SORCS1: variants seen among roughly 807,000 people sequenced by gnomAD.
The protein encoded by SORCS1 is VPS10 domain-containing receptor SorCS1.
Under a neutral mutation model 146.1 loss-of-function variants are expected in SORCS1, and 60 were observed. That is an observed-to-expected ratio of 0.41 (90% CI 0.33 to 0.51). The LOEUF (loss-of-function observed/expected upper bound fraction) is 0.51, where lower values mean the gene tolerates loss of function less well. SORCS1 is among the 20% of genes least tolerant of loss of function. SORCS1 has a pLI of 0.21. For synonymous variants in SORCS1, 637 were observed against 584.0 expected, an observed-to-expected ratio of 1.09 and a Z score of -1.31; for missense variants, 1,352 against 1,487.6, an observed-to-expected ratio of 0.91 and a Z score of 1.50.
intron 1 of SORCS1, among the ~76,000 whole-genome samples, chr10:107,150,409 C>T (rs1487796252): frequency 6.6e-6 from 1 of 152,238 alleles, no homozygotes; most frequent in East Asian, 1.9e-4. Flanking sequence ...TTCCACTCCA[C>T]ACCCATCTGA....
At chr10:107,022,578 C>A (rs1958197372) in intron 1 of SORCS1, among the ~76,000 whole-genome samples, 1 of 152,046 alleles carries the variant, frequency 6.6e-6, no homozygotes, top group Non-Finnish European at 1.5e-5. Context: ...GCATGTCTAA[C>A]ACCTCCACTG....
At chr10:107,031,812 A>G (rs150862045) in intron 1 of SORCS1, among the ~76,000 whole-genome samples, 41 of 152,192 alleles carry the variant, frequency 2.7e-4, no homozygotes, top group African/African-American at 9.6e-4. Flanking sequence ...CTAACACTTC[A>G]AACCATATTT....
At chr10:107,155,302 T>C (rs1233941911) in intron 1 of SORCS1, among the ~76,000 whole-genome samples, 6 of 152,212 alleles carry the variant, frequency 3.9e-5, no homozygotes, top group Non-Finnish European at 5.9e-5. Flanking sequence ...GTCCATGGAC[T>C]CTTAAACTCA....
intron 1 of SORCS1, among the ~76,000 whole-genome samples, chr10:107,023,675 G>A (rs1958254281): frequency 6.6e-6 from 1 of 152,040 alleles, no homozygotes; most frequent in African/African-American, 2.4e-5. Context: ...TAAAATGGGA[G>A]GAAAAGATGT....
At chr10:106,589,093 T>G (rs748185848) in intron 24 of SORCS1, among the ~76,000 whole-genome samples, 3 of 152,152 alleles carry the variant, frequency 2.0e-5, no homozygotes, top group Non-Finnish European at 4.4e-5. Flanking sequence ...CTCAAATGCT[T>G]TGAGGGAACT....
chr10:107,038,421 A>G (rs950595859), intron 1 of SORCS1, among the ~76,000 whole-genome samples: 5 of 151,656 alleles, frequency 3.3e-5, no homozygotes, highest in Admixed American at 6.6e-5. Flanking sequence ...AGACAGCATT[A>G]GGAGATATAC....
At chr10:106,907,963 G>A (rs559059389) in intron 2 of SORCS1, among the ~76,000 whole-genome samples, 1 of 151,902 alleles carries the variant, frequency 6.6e-6, no homozygotes, top group African/African-American at 2.4e-5. Context: ...TCTTGGGAGA[G>A]TTTTATTAAT....
chr10:106,858,055 C>T (rs1274807645), intron 2 of SORCS1, among the ~76,000 whole-genome samples: 1 of 152,046 alleles, frequency 6.6e-6, no homozygotes, highest in African/African-American at 2.4e-5. Context: ...AACCTTTCAG[C>T]GTAACTTGCA....
intron 5 of SORCS1, among the ~76,000 whole-genome samples, chr10:106,749,131 A>G (rs1857960931): frequency 1.3e-5 from 2 of 152,302 alleles, no homozygotes; most frequent in South Asian, 4.1e-4. Context: ...TGCCTGAACT[A>G]TATTTCTCAG....
intron 1 of SORCS1, among the ~76,000 whole-genome samples, chr10:106,965,069 C>G (rs918118483): frequency 2.0e-5 from 3 of 151,762 alleles, no homozygotes; most frequent in South Asian, 2.1e-4. Flanking sequence ...CTAATTTAGC[C>G]CAACAATGTC....
chr10:106,961,266 C>T (rs1373822663), intron 1 of SORCS1, among the ~76,000 whole-genome samples: 1 of 152,130 alleles, frequency 6.6e-6, no homozygotes, highest in African/African-American at 2.4e-5. Context: ...TCTCCTATGC[C>T]AATTATCAGT....
chr10:106,891,419 A>G (rs1951224435), intron 2 of SORCS1, among the ~76,000 whole-genome samples: 1 of 151,684 alleles, frequency 6.6e-6, no homozygotes, highest in Non-Finnish European at 1.5e-5. Flanking sequence ...GGTATCAAAT[A>G]TATGAATGAA....
intron 21 of SORCS1, among the ~76,000 whole-genome samples, chr10:106,617,337 A>G (rs911133815): frequency 6.6e-6 from 1 of 151,656 alleles, no homozygotes; most frequent in African/African-American, 2.4e-5. Context: ...TCTCCTATCT[A>G]ATTTCCACTT....
chr10:106,987,564 C>T (rs1393585756), intron 1 of SORCS1, among the ~76,000 whole-genome samples: 2 of 152,194 alleles, frequency 1.3e-5, no homozygotes, highest in African/African-American at 4.8e-5. Flanking sequence ...CCACCCAATG[C>T]CTTACGGACC....
At chr10:106,832,429 T>C (rs1948590821) in intron 2 of SORCS1, among the ~76,000 whole-genome samples, 1 of 152,064 alleles carries the variant, frequency 6.6e-6, no homozygotes, top group Non-Finnish European at 1.5e-5. Flanking sequence ...CCTTAGGTGA[T>C]CCACCCGCCT....
At chr10:106,801,772 T>C (rs948894555) in intron 3 of SORCS1, among the ~76,000 whole-genome samples, 11 of 152,122 alleles carry the variant, frequency 7.2e-5, no homozygotes, top group Non-Finnish European at 1.2e-4. Context: ...CCTTGTGATC[T>C]GCCCTCCTTG....
intron 2 of SORCS1, among the ~76,000 whole-genome samples, chr10:106,856,547 G>C (rs915458613): frequency 1.3e-5 from 2 of 152,184 alleles, no homozygotes; most frequent in Admixed American, 6.5e-5. Context: ...TTTCTCCTGA[G>C]GGCAGGTCTT....
chr10:106,601,278 C>T (rs1293178826), intron 23 of SORCS1, among the ~76,000 whole-genome samples: 1 of 152,164 alleles, frequency 6.6e-6, no homozygotes, highest in Non-Finnish European at 1.5e-5. Context: ...TGGTGAAAAG[C>T]GTGTTGTCTT....
intron 18 of SORCS1, among the ~76,000 whole-genome samples, chr10:106,635,047 G>A (rs1349903584): frequency 6.6e-6 from 1 of 152,108 alleles, no homozygotes; most frequent in African/African-American, 2.4e-5. Flanking sequence ...TATTCTCCAA[G>A]GGCATTGCTG....
Sources: allele counts gnomAD v4.1 joint callset (sites outside exome capture counted in the v4.1 genomes callset), GRCh38; gene constraint gnomAD v4.1.1; transcripts MANE v1.5; gene names NCBI Gene and HGNC (gene_info 2026-07-23, HGNC 2026-07-21).